Variants in WASL observed in about 807,000 individuals in gnomAD.
WASL encodes the protein actin nucleation-promoting factor WASL.
WASL carries 20 observed loss-of-function variants against 55.5 expected under a neutral mutation model. That is an observed-to-expected ratio of 0.36 (90% CI 0.25 to 0.52). WASL has a LOEUF of 0.52. Ranked by LOEUF, WASL falls within the 20% of genes least tolerant of loss-of-function variation. WASL has a pLI of 0.92. For synonymous variants in WASL, 249 were observed against 217.6 expected (o/e 1.14, Z -1.27); for missense variants, 504 against 622.5 (o/e 0.81, Z 2.03).
At chr7:123,690,231 T>C (rs1293821525) in intron 9 of WASL, among the ~76,000 whole-genome samples, 1 of 152,172 alleles carries the variant, frequency 6.6e-6, no homozygotes, top group African/African-American at 2.4e-5. Context: ...GTGAGCATAC[T>C]CTCATCAAAC....
chr7:123,709,765 G>A (rs1803727494), intron 1 of WASL, among the ~76,000 whole-genome samples: 1 of 152,112 alleles, frequency 6.6e-6, no homozygotes, highest in Admixed American at 6.6e-5. Flanking sequence ...TCTAGATAAG[G>A]ATTGAGACAA....
At chr7:123,699,023 T>C (rs1178618391) in intron 5 of WASL, among the ~76,000 whole-genome samples, 3 of 152,162 alleles carry the variant, frequency 2.0e-5, no homozygotes, top group Admixed American at 1.3e-4. Flanking sequence ...ATGCTACAAA[T>C]TACTTTGTTT....
rs1296129298 is a variant in WASL at position 123,748,865 on chromosome 7, G to A, written c.-131C>T. 2 of 727,920 alleles carry A rather than the reference G, an allele frequency of 2.7e-6. No individual in the cohort carries two copies. The highest frequency in any genetic ancestry group is 4.3e-6 in the Non-Finnish European group (2 of 465,200). The allele number at this position is 727,920 out of a possible 1,614,324, so 45.1% of individuals were successfully genotyped here. ...CGCCACATCTCGCAGCTCCTCCGGA[G>A]CGGGGAGGAGGACGAGGTCGAGGGA... On this transcript the variant is annotated 5_prime_UTR_variant, in exon 1 of 11. Coordinates refer to ENST00000223023, the MANE Select transcript of WASL (RefSeq NM_003941.4).
At chr7:123,728,568 G>A (rs555526484) in intron 1 of WASL, among the ~76,000 whole-genome samples, 7 of 152,246 alleles carry the variant, frequency 4.6e-5, no homozygotes, top group African/African-American at 9.6e-5. Context: ...TCAGCCGGGC[G>A]CAGCGGCTCA....
chr7:123,718,633 G>C (rs1020487443), intron 1 of WASL, among the ~76,000 whole-genome samples: 1 of 152,096 alleles, frequency 6.6e-6, no homozygotes, highest in Admixed American at 6.6e-5. Context: ...AGCCTCAAGT[G>C]ATCCTCCTGC....
At chr7:123,737,736 TAA>T (rs1189780364) in intron 1 of WASL, among the ~76,000 whole-genome samples, 2 of 151,906 alleles carry the variant, frequency 1.3e-5, no homozygotes, top group Non-Finnish European at 2.9e-5. Flanking sequence ...CCAGAAAGAT[TAA>T]AGATTTAAAT....
intron 1 of WASL, among the ~76,000 whole-genome samples, chr7:123,722,108 T>C (rs1174093011): frequency 6.6e-6 from 1 of 152,130 alleles, no homozygotes; most frequent in Non-Finnish European, 1.5e-5. Context: ...CTAGCCACAA[T>C]GGCTATTCAA....
At chr7:123,726,834 C>G (rs563043983) in intron 1 of WASL, among the ~76,000 whole-genome samples, 7 of 152,020 alleles carry the variant, frequency 4.6e-5, no homozygotes, top group Non-Finnish European at 1.0e-4. Flanking sequence ...CCACTGCACT[C>G]CAGCCTGGGC....
rs1168168286 is a variant in WASL at position 123,700,175 on chromosome 7, C to CAA, written c.461-3430_461-3429dup. ...TGGGCAACAGAGCGAAACTCCGTCT[C>CAA]AAAAAAAAAAAAAAAAAAAAAAAAA... On this transcript the variant is annotated intron_variant, in intron 5 of 10. Transcript: ENST00000223023. 1.6e-3 allele frequency among the ~76,000 whole-genome samples: 78 copies of CAA among 47,346 alleles called. 1 individual carries two copies. Among genetic ancestry groups the CAA allele is most frequent in the African/African-American group, 3.6e-3 (48 of 13,326 alleles). The allele number at this position is 47,346 out of a possible 152,430, so 31.1% of individuals were successfully genotyped here. A position where few individuals can be genotyped will look rare whatever the true frequency, so the allele number is the denominator to read the frequency against.
intron 5 of WASL, among the ~76,000 whole-genome samples, chr7:123,697,566 A>AT (rs992108897): frequency 2.2e-4 from 33 of 152,336 alleles, no homozygotes; most frequent in African/African-American, 7.5e-4. Context: ...CAGAGATCCT[A>AT]TTTTTATATA....
At chr7:123,725,715 G>A (rs935492862) in intron 1 of WASL, among the ~76,000 whole-genome samples, 3 of 152,050 alleles carry the variant, frequency 2.0e-5, no homozygotes, top group Non-Finnish European at 2.9e-5. Context: ...TAACTTGCCC[G>A]TTGTCACAGA....
chr7:123,732,895 C>G (rs1804164270), intron 1 of WASL, among the ~76,000 whole-genome samples: 1 of 152,076 alleles, frequency 6.6e-6, no homozygotes, highest in South Asian at 2.1e-4. Flanking sequence ...CAAAAGTCAA[C>G]TAATATAACC....
At chr7:123,703,112 T>A (rs1221799318) in intron 5 of WASL, among the ~76,000 whole-genome samples, 3 of 152,244 alleles carry the variant, frequency 2.0e-5, no homozygotes, top group African/African-American at 7.2e-5. Context: ...GTAACTCAGC[T>A]GCTTCTGTTT....
At chr7:123,701,793 C>G (rs1295807773) in intron 5 of WASL, among the ~76,000 whole-genome samples, 1 of 152,072 alleles carries the variant, frequency 6.6e-6, no homozygotes, top group Non-Finnish European at 1.5e-5. Context: ...TAGTTGAATG[C>G]AAAGCAGTTT....
chr7:123,724,506 T>C (rs1282787358), intron 1 of WASL, among the ~76,000 whole-genome samples: 1 of 152,230 alleles, frequency 6.6e-6, no homozygotes, highest in Admixed American at 6.5e-5. Flanking sequence ...ATTGAATGAC[T>C]TATAAGTTCC....
Position 123,696,730 on chromosome 7 carries a change from C to A in WASL, c.478G>T (p.Ala160Ser). The A allele has an allele frequency of 6.3e-7, 1 of 1,583,594 alleles. No homozygotes were observed. The highest frequency in any genetic ancestry group is 8.6e-7 in the Non-Finnish European group (1 of 1,165,460). The part of the protein sequence containing the change: ...DPPNGPNLPM[A>S]TVDIKNPEIT... ...TCTGGATTTTTTATATCAACTGTAG[C>A]CATGGGTAGATTAGGACCTGCAAAT... The change falls in exon 6 of 11, where the codon GCT (alanine) becomes TCT (serine). Residue 160 changes from alanine (A) to serine (S), a missense_variant. Ala to Ser is a moderately conservative substitution (Grantham distance 99). Transcript: ENST00000223023.
In WASL at chr7:123,684,435, CATG is replaced by C. The variant is rs1188960160; in HGVS notation, c.*81_*83del. ...ATACAGCAAATTGGTAGAACATTTACATGATAATTTTACAGAATCCACAGACAG... is the reference window on the plus strand; with the variant it reads ...ATACAGCAAATTGGTAGAACATTTACATAATTTTACAGAATCCACAGACAG... On this transcript the variant is annotated 3_prime_UTR_variant, in exon 11 of 11. Transcript: ENST00000223023. 4 of 467,682 alleles carry C rather than the reference CATG, an allele frequency of 8.6e-6. No homozygotes were observed. The highest frequency in any genetic ancestry group is 5.0e-5 in the South Asian group (1 of 19,968). The allele number at this position is 467,682 out of a possible 1,614,324, so 29.0% of individuals were successfully genotyped here.
At chr7:123,684,885 C>T (rs1803262940) in intron 10 of WASL, among the ~76,000 whole-genome samples, 1 of 151,900 alleles carries the variant, frequency 6.6e-6, no homozygotes, top group Non-Finnish European at 1.5e-5. Context: ...ATCCAACTAC[C>T]TTCTTGTACT....
chr7:123,705,466 T>C (rs1252221288), intron 4 of WASL, among the ~76,000 whole-genome samples: 1 of 152,182 alleles, frequency 6.6e-6, no homozygotes, highest in East Asian at 1.9e-4. Context: ...AGGGAAGATG[T>C]GTCAGTACTG....
Sources: gnomAD v4.1 joint callset for allele counts (sites outside exome capture counted in the v4.1 genomes callset) on GRCh38, gnomAD v4.1.1 for gene constraint, MANE v1.5 for transcripts, NCBI Gene and HGNC (gene_info 2026-07-23, HGNC 2026-07-21) for gene names.